STAM: variants seen among roughly 807,000 people sequenced by gnomAD.
The protein encoded by STAM is signal transducing adaptor molecule.
A neutral mutation model predicts 63.4 loss-of-function variants in STAM; 16 were observed. That is an observed-to-expected ratio of 0.25 (90% confidence interval 0.17 to 0.38). The LOEUF is 0.38. STAM is among the 10% of genes least tolerant of loss of function. STAM has a pLI of 1.00. For synonymous variants in STAM, 238 were observed against 223.9 expected, an observed-to-expected ratio of 1.06 and a Z score of -0.56; for missense variants, 636 against 657.1, an observed-to-expected ratio of 0.97 and a Z score of 0.35.
chr10:17,714,835 T>G lies in STAM; in HGVS notation c.*55T>G, dbSNP rs956830750. On this transcript the variant is annotated 3_prime_UTR_variant, in exon 14 of 14. Transcript: ENST00000377524. ...CTGCTAAATGCCACTGACAATGTTA[T>G]GAGATTCATTACTATCTTAAGATGT... 6.9e-7 allele frequency: 1 copy of G among 1,452,266 alleles called. No individual in the cohort carries two copies. Among genetic ancestry groups the G allele is most frequent in the East Asian group, 2.3e-5 (1 of 44,176 alleles). The allele number at this position is 1,452,266 out of a possible 1,614,324, so 90.0% of individuals were successfully genotyped here.
intron 2 of STAM, among the ~76,000 whole-genome samples, chr10:17,661,745 GT>G (rs1296645840): frequency 5.3e-5 from 8 of 152,040 alleles, no homozygotes; most frequent in Admixed American, 2.0e-4. Context: ...CTCTCAAAAT[GT>G]TGACGTTTTA....
At chr10:17,656,330 C>G (rs1182410021) in intron 1 of STAM, among the ~76,000 whole-genome samples, 1 of 150,882 alleles carries the variant, frequency 6.6e-6, no homozygotes, top group Non-Finnish European at 1.5e-5. Context: ...TTTCAGATAG[C>G]TTGCTTGTTT....
At chr10:17,691,950 G>A (rs1309951799) in intron 5 of STAM, among the ~76,000 whole-genome samples, 2 of 152,272 alleles carry the variant, frequency 1.3e-5, no homozygotes, top group African/African-American at 4.8e-5. Flanking sequence ...GTTGTCATGT[G>A]TATTACCTCT....
intron 6 of STAM, among the ~76,000 whole-genome samples, chr10:17,694,267 CT>C (rs1354738161): frequency 6.6e-6 from 1 of 151,730 alleles, no homozygotes; most frequent in Non-Finnish European, 1.5e-5. Flanking sequence ...GAGTTGTTTG[CT>C]TTTTTATTAT....
chr10:17,688,155 C>A lies in STAM; in HGVS notation c.426C>A (p.Phe142Leu). The A allele has an allele frequency of 6.4e-7, 1 of 1,571,376 alleles. No homozygotes were observed. The highest frequency in any genetic ancestry group is 1.2e-5 in the South Asian group (1 of 82,236). Residue 142 changes from phenylalanine (F) to leucine (L), a missense_variant, in exon 5 of 14, where the codon TTC becomes TTA. This residue lies in a region of STAM where 532 missense variants were observed against 536.9 expected (regional missense o/e 0.99). Coordinates refer to ENST00000377524, the MANE Select transcript of STAM (RefSeq NM_003473.4). ...IKNLKEQGVT[F>L]PAIGSQAAEQ... ...ACCTTAAGGAACAAGGAGTTACGTT[C>A]CCAGCTATTGGCTCTCAGGTATTTT...
chr10:17,701,752 C>G (rs1164590377), intron 9 of STAM, among the ~76,000 whole-genome samples: 1 of 152,116 alleles, frequency 6.6e-6, no homozygotes, highest in Non-Finnish European at 1.5e-5. Context: ...CAATTCTTCT[C>G]TCCAACTTTA....
chr10:17,712,266 C>T (rs547923627), intron 13 of STAM, among the ~76,000 whole-genome samples: 2 of 152,270 alleles, frequency 1.3e-5, no homozygotes, highest in African/African-American at 4.8e-5. Context: ...GGAGACAAAA[C>T]GGAAGTCCCA....
chr10:17,663,340 A>AT (rs1834249800), intron 2 of STAM, among the ~76,000 whole-genome samples: 3 of 151,584 alleles, frequency 2.0e-5, no homozygotes, highest in African/African-American at 4.8e-5. Context: ...ACACATGCTC[A>AT]TTTTTTTTAG....
intron 1 of STAM, among the ~76,000 whole-genome samples, chr10:17,650,158 A>G (rs61842267): frequency 0.019 from 2,907 of 152,320 alleles, 29 homozygotes; most frequent in Middle Eastern, 0.027. Context: ...TGTTAATGTC[A>G]CATTCTCCTG....
At chr10:17,644,486 G>A (rs970505038) in intron 1 of STAM, 107 bp downstream of exon 1, 8 of 1,365,300 alleles carry the variant, frequency 5.9e-6, no homozygotes, top group South Asian at 1.2e-5. Context: ...GGAAGAGCTC[G>A]CTCTTCCCCT....
chr10:17,686,534 G>A (rs782529155), intron 4 of STAM, among the ~76,000 whole-genome samples: 1 of 152,012 alleles, frequency 6.6e-6, no homozygotes, highest in African/African-American at 2.4e-5. Context: ...GCGCCACCAC[G>A]CCTGGCTGGT....
intron 2 of STAM, among the ~76,000 whole-genome samples, chr10:17,670,063 A>G (rs1339609835): frequency 2.6e-5 from 4 of 151,924 alleles, no homozygotes; most frequent in Non-Finnish European, 4.4e-5. Flanking sequence ...AGACGGGATT[A>G]TAGCATCTGT....
At chr10:17,690,057 A>AG (rs1172874651) in intron 5 of STAM, among the ~76,000 whole-genome samples, 3 of 152,248 alleles carry the variant, frequency 2.0e-5, no homozygotes, top group Admixed American at 2.0e-4. Context: ...AAACAGTTTT[A>AG]GGGAGCCTCT....
chr10:17,677,155 G>T (rs1321828487), intron 2 of STAM, among the ~76,000 whole-genome samples: 3 of 152,168 alleles, frequency 2.0e-5, no homozygotes, highest in African/African-American at 7.2e-5. Flanking sequence ...TTATTTTGGT[G>T]CCAGAGATAT....
intron 1 of STAM, among the ~76,000 whole-genome samples, chr10:17,651,280 A>G (rs1212605220): frequency 2.0e-5 from 3 of 151,696 alleles, no homozygotes; most frequent in Non-Finnish European, 4.4e-5. Context: ...TGACATACCT[A>G]TTTGTTCATT....
intron 13 of STAM, among the ~76,000 whole-genome samples, chr10:17,711,084 G>A (rs762010473): frequency 2.6e-5 from 4 of 152,108 alleles, no homozygotes; most frequent in East Asian, 1.9e-4. Context: ...GCTTTCTAGC[G>A]GCAAATCAAG....
intron 1 of STAM, among the ~76,000 whole-genome samples, chr10:17,650,127 A>G (rs1246120305): frequency 6.6e-6 from 1 of 152,212 alleles, no homozygotes; most frequent in Admixed American, 6.5e-5. Context: ...CTCATAAATC[A>G]TAAGCTAGAT....
intron 6 of STAM, among the ~76,000 whole-genome samples, chr10:17,693,781 TTGTACATATTCTCTG>T (rs1413070282): frequency 6.6e-6 from 1 of 152,222 alleles, no homozygotes; most frequent in Non-Finnish European, 1.5e-5. Context: ...GTGAGTATTC[TTGTACATATTCTCTG>T]TGCACATATA....
At chr10:17,684,789 T>C (rs368399479) in intron 3 of STAM, 39 bp downstream of exon 3, 2 of 1,613,418 alleles carry the variant, frequency 1.2e-6, no homozygotes, top group Non-Finnish European at 1.7e-6. Context: ...CGAAATTACC[T>C]GCCACAATTG....
Sources: gnomAD v4.1 joint callset for allele counts (sites outside exome capture counted in the v4.1 genomes callset) on GRCh38, gnomAD v4.1.1 for gene constraint, gnomAD v4.1.1 regional missense constraint, MANE v1.5 for transcripts, NCBI Gene and HGNC (gene_info 2026-07-23, HGNC 2026-07-21) for gene names.